Variants in RPH3A observed in about 807,000 individuals in gnomAD.
RPH3A encodes the protein rabphilin-3A.
A neutral mutation model predicts 102.2 loss-of-function variants in RPH3A; 48 were observed. The ratio of observed to expected loss-of-function variants is 0.47; its 90% CI spans 0.37 to 0.60. The LOEUF (loss-of-function observed/expected upper bound fraction) is 0.60. Among genes scored for constraint, RPH3A ranks in the 20% least tolerant of loss-of-function variants. The pLI is 0.00. For missense variants in RPH3A, 781 were observed against 910.1 expected (o/e 0.86, Z 1.83); for synonymous variants, 310 against 324.3 (o/e 0.96, Z 0.47).
At chr12:112,594,655 A>T (rs57722658) in intron 1 of RPH3A, among the ~76,000 whole-genome samples, 2,512 of 152,260 alleles carry the variant, frequency 0.016, 72 homozygotes, top group African/African-American at 0.057. Context: ...GCCCTCGTGG[A>T]GCTCTCAGTC....
rs116388904 is a variant in RPH3A at position 112,688,621 on chromosome 12, A to G, written c.-139-103522A>G. ...TGAATCCTGAAAAAAACCAATGGGA[A>G]CAAGCTTTTACTTAGTACCTACTAA... is the stretch of plus-strand genomic sequence containing the variant. On this transcript the variant is annotated intron_variant, in intron 1 of 21. Coordinates refer to the RPH3A transcript ENST00000543106. Among the ~76,000 whole-genome samples, 1,040 of 152,298 alleles carry G rather than the reference A, an allele frequency of 6.8e-3. 13 individuals are homozygous for G. The highest frequency in any genetic ancestry group is 0.023 in the African/African-American group (975 of 41,560).
At chr12:112,789,189 T>C (rs12311771), upstream of RPH3A, among the ~76,000 whole-genome samples, 331 of 152,136 alleles carry the variant, frequency 2.2e-3, 1 homozygote, top group African/African-American at 7.6e-3. Flanking sequence ...TTATTGAGGG[T>C]TTCCTATGTG....
At chr12:112,763,049 C>T (rs1388974680) in intron 1 of RPH3A, among the ~76,000 whole-genome samples, 4 of 152,232 alleles carry the variant, frequency 2.6e-5, no homozygotes, top group Non-Finnish European at 4.4e-5. Flanking sequence ...AGATGGCAAA[C>T]GCTTTTCATC....
intron 1 of RPH3A, among the ~76,000 whole-genome samples, chr12:112,681,662 AG>A (rs745381198): frequency 6.6e-6 from 1 of 152,106 alleles, no homozygotes; most frequent in East Asian, 1.9e-4. Flanking sequence ...GACTTTTTTG[AG>A]GGGGGGCTTA....
chr12:112,876,826 G>A lies in RPH3A; in HGVS notation c.1131G>A (p.Glu377=), dbSNP rs751718164. ...CCCGCCAGCCACCACCCCCAGAGGA[G>A]GAGGAAGAGGAAGCCAACAGCTACG... is the stretch of plus-strand genomic sequence containing the variant. The part of the protein sequence containing the change: ...AAARQPPPPE[E]EEEEANSYDS... The change falls in exon 13 of 22, where the codon GAG becomes GAA. Residue 377 remains glutamate, a synonymous_variant. Transcript: ENST00000389385. The A allele has an allele frequency of 6.2e-7, 1 of 1,608,966 alleles. No individual in the cohort carries two copies. Among genetic ancestry groups the A allele is most frequent in the Admixed American group, 1.7e-5 (1 of 59,412 alleles).
chr12:112,773,360 G>C (rs7303744), intron 1 of RPH3A, among the ~76,000 whole-genome samples: 13,743 of 152,064 alleles, frequency 0.09, 1,662 homozygotes, highest in African/African-American at 0.27. Context: ...GTGCAGAAAA[G>C]ATCCCCCCTC....
intron 4 of RPH3A, among the ~76,000 whole-genome samples, chr12:112,845,751 C>G (rs2042218719): frequency 6.6e-6 from 1 of 152,112 alleles, no homozygotes; most frequent in Non-Finnish European, 1.5e-5. Context: ...AGAACCAGGG[C>G]CAGATAAGGT....
chr12:112,590,490 C>T (rs535497714), intron 1 of RPH3A, among the ~76,000 whole-genome samples: 1 of 152,318 alleles, frequency 6.6e-6, no homozygotes, highest in Middle Eastern at 3.4e-3. Flanking sequence ...AGCACAGCCC[C>T]TCCTCATTCC....
At chr12:112,876,360 G>A (rs1372396239) in intron 12 of RPH3A, among the ~76,000 whole-genome samples, 1 of 152,182 alleles carries the variant, frequency 6.6e-6, no homozygotes, top group African/African-American at 2.4e-5. Context: ...CTGAGGCTCA[G>A]AGACATTAAG....
intron 1 of RPH3A, among the ~76,000 whole-genome samples, chr12:112,773,384 GGGC>G: frequency 6.6e-6 from 1 of 152,048 alleles, no homozygotes; most frequent in African/African-American, 2.4e-5. Context: ...TTCCATTACA[GGGC>G]CTGACCCCAG....
At chr12:112,614,214 T>G (rs1266330961) in intron 1 of RPH3A, among the ~76,000 whole-genome samples, 1 of 152,154 alleles carries the variant, frequency 6.6e-6, no homozygotes, top group African/African-American at 2.4e-5. Flanking sequence ...TGTTGAAATC[T>G]CCTAAATTTG....
At chr12:112,644,625 G>C (rs232917) in intron 1 of RPH3A, among the ~76,000 whole-genome samples, 129,301 of 152,280 alleles carry the variant, frequency 0.85, 55,319 homozygotes, top group African/African-American at 0.95. Flanking sequence ...TATTGAGCAC[G>C]TACTATATGC....
chr12:112,833,582 AT>A lies in RPH3A; in HGVS notation c.72-2906del, dbSNP rs2042003281. Among the ~76,000 whole-genome samples, 5 of 74,220 alleles carry A rather than the reference AT, an allele frequency of 6.7e-5. No homozygotes were observed. In the South Asian group the frequency reaches 1.8e-3, roughly 27 times the overall value. 48.7% of individuals were successfully genotyped at this position (74,220 alleles called of 152,430 possible). ...TAGCCCCCTGGAATGTAATGTTGGT[AT>A]TTGCAGTGGTTTATTGCTCACAGCT... On this transcript the variant is annotated intron_variant, in intron 3 of 21. Coordinates refer to ENST00000389385, the MANE Select transcript of RPH3A (RefSeq NM_001143854.2).
At position 112,677,415 on chromosome 12, in the gene RPH3A, C is replaced by CTCCT. The variant is rs879603208; in HGVS notation, c.-140+102164_-140+102167dup. On this transcript the variant is annotated intron_variant, in intron 1 of 21. Transcript: ENST00000543106. ...CCTCCCTCCCTCCCTCCCTCCTTCC[C>CTCCT]TCCTTCCTTCCTTCCTTCCTTCCTT... 8.7e-3 allele frequency among the ~76,000 whole-genome samples: 290 copies of CTCCT among 33,166 alleles called. 9 individuals carry two copies. Among genetic ancestry groups the CTCCT allele is most frequent in the African/African-American group, 0.014 (104 of 7,218 alleles). 21.8% of individuals were successfully genotyped at this position (33,166 alleles called of 152,430 possible).
chr12:112,741,768 C>A (rs911475567), intron 1 of RPH3A, among the ~76,000 whole-genome samples: 7 of 152,188 alleles, frequency 4.6e-5, no homozygotes, highest in African/African-American at 1.7e-4. Flanking sequence ...AAAGAGGATA[C>A]AGCACACAGG....
At chr12:112,870,424 G>C (rs955904588) in intron 10 of RPH3A, among the ~76,000 whole-genome samples, 2 of 151,680 alleles carry the variant, frequency 1.3e-5, no homozygotes, top group Non-Finnish European at 2.9e-5. Context: ...GGCCTCTGCT[G>C]TCTGGGCATA....
intron 1 of RPH3A, among the ~76,000 whole-genome samples, chr12:112,693,608 G>T (rs1019846232): frequency 1.3e-5 from 2 of 151,908 alleles, no homozygotes; most frequent in Non-Finnish European, 2.9e-5. Flanking sequence ...CCTCTTCAAG[G>T]TCCTTTTGTT....
chr12:112,631,882 T>C (rs988269544), intron 1 of RPH3A, among the ~76,000 whole-genome samples: 10 of 152,146 alleles, frequency 6.6e-5, no homozygotes, highest in Non-Finnish European at 1.3e-4. Flanking sequence ...ATATATTGCA[T>C]ATGGTGAAGT....
In RPH3A at chr12:112,806,541, A is replaced by G. The variant is rs536722318; in HGVS notation, c.-19+14278A>G. On this transcript the variant is annotated intron_variant, in intron 2 of 21. Transcript: ENST00000389385. Reference sequence around the variant, plus strand: ...TCCCAGCTACTCAGGAGGCTGAGGCATTGCTTAAACCTGGGAGGTGGAGGT... The same window carrying G: ...TCCCAGCTACTCAGGAGGCTGAGGCGTTGCTTAAACCTGGGAGGTGGAGGT... Among the ~76,000 whole-genome samples, 9 of 152,192 alleles carry G rather than the reference A, an allele frequency of 5.9e-5. No homozygotes were observed. In the South Asian group the frequency reaches 6.2e-4, roughly 11 times the overall value.
Sources: allele counts gnomAD v4.1 joint callset (sites outside exome capture counted in the v4.1 genomes callset), GRCh38; gene constraint gnomAD v4.1.1; transcripts MANE v1.5; gene names NCBI Gene and HGNC (gene_info 2026-07-23, HGNC 2026-07-21).